The following MYO1E variants were observed in gnomAD, a reference collection of about 807,000 sequenced individuals.
MYO1E encodes unconventional myosin-Ie.
In MYO1E, 68 loss-of-function variants were observed where a neutral mutation model predicts 151.1. That is an observed-to-expected ratio of 0.45 (90% CI 0.37 to 0.55). The LOEUF is 0.55. Ranked by LOEUF, MYO1E falls within the 20% of genes least tolerant of loss-of-function variation. The pLI is 0.00. For synonymous variants in MYO1E, 601 were observed against 501.7 expected (o/e 1.20, Z -2.64); for missense variants, 1,363 against 1,389.3 (o/e 0.98, Z 0.30).
intron 1 of MYO1E, among the ~76,000 whole-genome samples, chr15:59,366,997 C>CAAAA (rs66848377): frequency 3.8e-4 from 11 of 28,582 alleles, no homozygotes; most frequent in East Asian, 2.3e-3. Flanking sequence ...TGCATTTTCG[C>CAAAA]AAAAAAAAAA....
At chr15:59,143,482 C>A (rs1319282403) in intron 26 of MYO1E, among the ~76,000 whole-genome samples, 1 of 152,204 alleles carries the variant, frequency 6.6e-6, no homozygotes, top group Non-Finnish European at 1.5e-5. Flanking sequence ...GCGGCATATT[C>A]CCAAAGCGAG....
rs866915879 is a variant in MYO1E, at chr15:59,158,334, C to A, written c.2831G>T (p.Gly944Val). ...NTTQNTGYSS[G>V]TQNANYPVRA... ...CACTGGGTAGTTGGCATTTTGAGTC[C>A]CACTGGAATAACCTGTATTTTGGGT... Residue 944 changes from glycine (G) to valine (V), a missense_variant, in exon 25 of 28, where the codon GGG (glycine) becomes GTG (valine). By Grantham distance (109) the Gly-to-Val change is moderately radical. Coordinates refer to ENST00000288235, the MANE Select transcript of MYO1E (RefSeq NM_004998.4). 6.3e-7 allele frequency: 1 copy of A among 1,577,078 alleles called. No individual in the cohort carries two copies.
Position 59,261,438 on chromosome 15 carries a change from A to T in MYO1E, c.219T>A (p.Ile73=). ...AACTTACCGCTCCTTGGTACATTTC[A>T]ATTTCCTTTTCCCCAAAATATGGCA... ...KQMPYFGEKE[I]EMYQGAAQYE... is the part of the protein sequence containing the mutation. Residue 73 remains isoleucine, a synonymous_variant, in exon 3 of 28, where the codon ATT becomes ATA. Transcript: ENST00000288235. The T allele has an allele frequency of 6.2e-7, 1 of 1,609,210 alleles. No homozygotes were observed. Among genetic ancestry groups the T allele is most frequent in the Non-Finnish European group, 8.5e-7 (1 of 1,175,716 alleles).
intron 1 of MYO1E, among the ~76,000 whole-genome samples, chr15:59,344,962 G>C (rs1288427459): frequency 6.6e-6 from 1 of 152,148 alleles, no homozygotes; most frequent in Non-Finnish European, 1.5e-5. Flanking sequence ...ATATTGATAG[G>C]ATATGACCAG....
intron 12 of MYO1E, among the ~76,000 whole-genome samples, chr15:59,213,400 AC>A (rs1239680956): frequency 2.0e-5 from 3 of 151,782 alleles, no homozygotes; most frequent in Non-Finnish European, 2.9e-5. Flanking sequence ...CGAATTCCTG[AC>A]CTCAAGTGAT....
intron 1 of MYO1E, among the ~76,000 whole-genome samples, chr15:59,334,338 C>T (rs1567017663): frequency 6.6e-6 from 1 of 151,984 alleles, no homozygotes; most frequent in Non-Finnish European, 1.5e-5. Context: ...GTTTGTAACA[C>T]AAAGAAATTA....
intron 19 of MYO1E, among the ~76,000 whole-genome samples, chr15:59,175,132 G>A (rs2079617128): frequency 6.6e-6 from 1 of 152,166 alleles, no homozygotes; most frequent in South Asian, 2.1e-4. Flanking sequence ...TTGGAACTAA[G>A]ACTGGGTGGG....
In MYO1E at chr15:59,133,629, G is replaced by C. The variant is rs1178831111; in HGVS notation, c.*3751C>G. 1 of 152,202 alleles carries C rather than the reference G, an allele frequency of 6.6e-6. No homozygotes were observed. 9.4% of individuals were successfully genotyped at this position (152,202 alleles called of 1,614,324 possible). ...GGGAGAAAAGCAAAACAGGGAAAGA[G>C]GGCAGAATTGCAGAAAGGCTCCTCT... On this transcript the variant is annotated 3_prime_UTR_variant, in exon 28 of 28. Transcript: ENST00000288235.
chr15:59,247,207 T>C (rs551783754), intron 4 of MYO1E, among the ~76,000 whole-genome samples: 1 of 152,004 alleles, frequency 6.6e-6, no homozygotes, highest in Non-Finnish European at 1.5e-5. Flanking sequence ...AAAACTAAAA[T>C]AAAAAAGCAC....
At position 59,174,215 on chromosome 15, in the gene MYO1E, T is replaced by A; in HGVS notation, c.2075A>T (p.Glu692Val). The A allele has an allele frequency of 1.2e-6, 2 of 1,613,694 alleles. No individual in the cohort carries two copies. Among genetic ancestry groups the A allele is most frequent in the Non-Finnish European group, 1.7e-6 (2 of 1,179,642 alleles). ...TCGAGCATACCCATCATACTTTCTCTCTCTCATCTCTTCTAAAAGAAATAG... is the reference window on the plus strand; with the variant it reads ...TCGAGCATACCCATCATACTTTCTCACTCTCATCTCTTCTAAAAGAAATAG... The part of the protein sequence containing the change: ...ESLFLLEEMR[E>V]RKYDGYARVI... Residue 692 changes from glutamate (E) to valine (V), a missense_variant, in exon 20 of 28, where the codon GAG becomes GTG. Transcript: ENST00000288235.
intron 2 of MYO1E, among the ~76,000 whole-genome samples, chr15:59,270,047 C>T (rs1216720392): frequency 3.3e-5 from 5 of 152,088 alleles, no homozygotes; most frequent in African/African-American, 4.8e-5. Context: ...AACAAAACTG[C>T]TGTCCAAAAA....
chr15:59,327,963 T>C (rs1253566983), intron 1 of MYO1E, among the ~76,000 whole-genome samples: 1 of 152,080 alleles, frequency 6.6e-6, no homozygotes, highest in Non-Finnish European at 1.5e-5. Context: ...ACCCTCTCCA[T>C]CCCCAGCACT....
At chr15:59,277,564 A>AAAAAAAAAACAAAAAC (rs1555416380) in intron 1 of MYO1E, among the ~76,000 whole-genome samples, 1 of 139,850 alleles carries the variant, frequency 7.2e-6, no homozygotes, top group African/African-American at 2.8e-5. Flanking sequence ...AAAAAAAAAA[A>AAAAAAAAAACAAAAAC]AAAAAAAAAC....
At chr15:59,190,303 A>C (rs997072712) in intron 17 of MYO1E, among the ~76,000 whole-genome samples, 6 of 152,186 alleles carry the variant, frequency 3.9e-5, no homozygotes, top group African/African-American at 1.2e-4. Context: ...TGTTTGGTAC[A>C]TTTGGGGATA....
At chr15:59,252,353 T>A (rs979317305) in intron 4 of MYO1E, among the ~76,000 whole-genome samples, 2 of 151,996 alleles carry the variant, frequency 1.3e-5, no homozygotes, top group Non-Finnish European at 2.9e-5. Context: ...GAAGCTGAGG[T>A]AGGCAGATAA....
intron 1 of MYO1E, among the ~76,000 whole-genome samples, chr15:59,317,438 T>C (rs2140414613): frequency 6.6e-6 from 1 of 152,110 alleles, no homozygotes; most frequent in South Asian, 2.1e-4. Flanking sequence ...AAACTCACAA[T>C]CACTAAGGGC....
At chr15:59,150,540 T>C (rs765509125) in intron 26 of MYO1E, among the ~76,000 whole-genome samples, 3 of 152,170 alleles carry the variant, frequency 2.0e-5, no homozygotes, top group Admixed American at 6.5e-5. Flanking sequence ...ATTTGGTGCA[T>C]TCTGTTGACT....
At chr15:59,176,036 G>A (rs1184657064) in intron 19 of MYO1E, among the ~76,000 whole-genome samples, 1 of 145,186 alleles carries the variant, frequency 6.9e-6, no homozygotes, top group Non-Finnish European at 1.6e-5. Context: ...CAAACCCTAT[G>A]GTGTCTGATG....
At chr15:59,212,253 C>T (rs1211383340) in intron 12 of MYO1E, among the ~76,000 whole-genome samples, 6 of 151,544 alleles carry the variant, frequency 4.0e-5, no homozygotes, top group East Asian at 2.0e-4. Context: ...CTGGGCTAGA[C>T]GTGGTAGGGA....
Sources: gnomAD v4.1 joint callset for allele counts (sites outside exome capture counted in the v4.1 genomes callset) on GRCh38, gnomAD v4.1.1 for gene constraint, MANE v1.5 for transcripts, NCBI Gene and HGNC (gene_info 2026-07-23, HGNC 2026-07-21) for gene names.